DSCAML1: variants seen among roughly 807,000 people sequenced by gnomAD.
DSCAML1 encodes cell adhesion molecule DSCAML1.
In DSCAML1, 38 loss-of-function variants were observed where a neutral mutation model predicts 200.5. The ratio of observed to expected loss-of-function variants is 0.19; its 90% confidence interval spans 0.15 to 0.25. The LOEUF (loss-of-function observed/expected upper bound fraction) is 0.25, where lower values mean the gene tolerates loss of function less well. Ranked by LOEUF, DSCAML1 falls within the 10% of genes least tolerant of loss-of-function variation. The pLI, the probability that DSCAML1 is intolerant of heterozygous loss-of-function variation, is 1.00. For synonymous variants in DSCAML1, 1,215 were observed against 1,165.0 expected (o/e 1.04, Z -0.87); for missense variants, 2,223 against 2,858.8 (o/e 0.78, Z 5.07).
At chr11:117,433,859 G>A (rs1271687486) in intron 27 of DSCAML1, among the ~76,000 whole-genome samples, 2 of 152,242 alleles carry the variant, frequency 1.3e-5, no homozygotes, top group Non-Finnish European at 2.9e-5. Flanking sequence ...AGAGGAGAGA[G>A]TGGAGGATGT....
At chr11:117,643,292 A>T (rs2052448984) in intron 3 of DSCAML1, among the ~76,000 whole-genome samples, 1 of 152,124 alleles carries the variant, frequency 6.6e-6, no homozygotes, top group Non-Finnish European at 1.5e-5. Context: ...TGGGATGGAG[A>T]ACTGAAGAAA....
In DSCAML1 at chr11:117,428,070, T is replaced by C. The variant is rs1278136094; in HGVS notation, c.*258A>G. ...GTCTGTCTATATATGTATATATATCTCCACACATATTTTGTGGGGTGGGGG... is the reference window on the plus strand; with the variant it reads ...GTCTGTCTATATATGTATATATATCCCCACACATATTTTGTGGGGTGGGGG... On this transcript the variant is annotated 3_prime_UTR_variant, in exon 33 of 33. Coordinates refer to ENST00000651296, the MANE Select transcript of DSCAML1 (RefSeq NM_020693.4). 1 of 411,490 alleles carries C rather than the reference T, an allele frequency of 2.4e-6. No homozygotes were observed. Among genetic ancestry groups the C allele is most frequent in the African/African-American group, 2.2e-5 (1 of 46,508 alleles). The allele number at this position is 411,490 out of a possible 1,614,324, so 25.5% of individuals were successfully genotyped here. A position where few individuals can be genotyped will look rare whatever the true frequency, so the allele number is the denominator to read the frequency against.
At chr11:117,465,859 G>A (rs1160119651) in intron 16 of DSCAML1, among the ~76,000 whole-genome samples, 1 of 152,174 alleles carries the variant, frequency 6.6e-6, no homozygotes, top group Non-Finnish European at 1.5e-5. Flanking sequence ...GATGGAGAGG[G>A]AGGTGAGCAA....
chr11:117,617,680 GCACACA>G (rs36207373), intron 3 of DSCAML1, among the ~76,000 whole-genome samples: 3,961 of 142,856 alleles, frequency 0.028, 59 homozygotes, highest in South Asian at 0.067. Flanking sequence ...ACAGGTACAC[GCACACA>G]CACACACACA....
intron 4 of DSCAML1, among the ~76,000 whole-genome samples, chr11:117,527,152 A>T (rs2049991555): frequency 6.6e-6 from 1 of 152,222 alleles, no homozygotes; most frequent in Non-Finnish European, 1.5e-5. Flanking sequence ...ACAGAGCAAG[A>T]TCTTGTCTCA....
At chr11:117,574,048 C>G (rs2050892727) in intron 3 of DSCAML1, among the ~76,000 whole-genome samples, 1 of 152,188 alleles carries the variant, frequency 6.6e-6, no homozygotes, top group Non-Finnish European at 1.5e-5. Context: ...CTGGATCCCT[C>G]ATTCTAGGAG....
At chr11:117,590,144 G>C (rs771953875) in intron 3 of DSCAML1, among the ~76,000 whole-genome samples, 1 of 152,126 alleles carries the variant, frequency 6.6e-6, no homozygotes, top group Non-Finnish European at 1.5e-5. Flanking sequence ...GAACCCATGG[G>C]CTTGAGAGGC....
intron 3 of DSCAML1, among the ~76,000 whole-genome samples, chr11:117,775,933 C>A (rs1251419736): frequency 6.6e-6 from 1 of 152,100 alleles, no homozygotes; most frequent in African/African-American, 2.4e-5. Flanking sequence ...CAGAGATCAC[C>A]TGGTCAAGCT....
intron 3 of DSCAML1, among the ~76,000 whole-genome samples, chr11:117,758,204 G>A (rs775275588): frequency 2.6e-5 from 4 of 151,576 alleles, no homozygotes; most frequent in African/African-American, 4.8e-5. Flanking sequence ...GGGAGGCTGA[G>A]GCAAATAATT....
rs368720689 is a variant in DSCAML1, at chr11:117,437,070, C to T, written c.4720+52G>A. The T allele has an allele frequency of 3.8e-5, 59 of 1,562,762 alleles. No individual in the cohort carries two copies. Among genetic ancestry groups the T allele is most frequent in the South Asian group, 2.5e-4 (21 of 84,278 alleles). ...TATCTGCCACTCTGCCCACTTCCTT[C>T]GCACCACCCTGCTCCAGCCTCTGTA... On this transcript the variant is annotated intron_variant, in intron 26 of 32. Transcript: ENST00000651296. This position sits in a 1 kb window ranked among gnomAD's most constrained non-coding sequence, Gnocchi z 5.3.
intron 1 of DSCAML1, 30 bp downstream of exon 1, chr11:117,797,004 C>T: frequency 7.2e-7 from 1 of 1,393,940 alleles, no homozygotes; most frequent in Non-Finnish European, 9.4e-7. Context: ...CCCGCCGCCT[C>T]CGCCGCCCAG....
chr11:117,724,065 T>A (rs1046633397), intron 3 of DSCAML1, among the ~76,000 whole-genome samples: 2 of 152,226 alleles, frequency 1.3e-5, no homozygotes, highest in Admixed American at 1.3e-4. Context: ...ACTCTCTTCT[T>A]CTGGCTACAA....
chr11:117,737,231 T>G (rs1221794359), intron 3 of DSCAML1, among the ~76,000 whole-genome samples: 1 of 152,256 alleles, frequency 6.6e-6, no homozygotes, highest in African/African-American at 2.4e-5. Context: ...TAATTTTCAC[T>G]TCTTTCATCC....
chr11:117,767,913 G>T (rs906126098), intron 3 of DSCAML1, among the ~76,000 whole-genome samples: 9 of 152,240 alleles, frequency 5.9e-5, no homozygotes, highest in African/African-American at 1.4e-4. Context: ...GCAGGTGCCT[G>T]CCGCGGGACC....
chr11:117,684,505 T>C (rs1200901164), intron 3 of DSCAML1, among the ~76,000 whole-genome samples: 1 of 137,328 alleles, frequency 7.3e-6, no homozygotes, highest in Admixed American at 7.3e-5. Flanking sequence ...CGCTAGGATA[T>C]CAAAACCATT....
chr11:117,428,272 G>T lies in DSCAML1; in HGVS notation c.*56C>A. The T allele has an allele frequency of 1.0e-6, 1 of 982,446 alleles. No individual in the cohort carries two copies. Among genetic ancestry groups the T allele is most frequent in the Non-Finnish European group, 1.6e-6 (1 of 631,574 alleles). 60.9% of individuals were successfully genotyped at this position (982,446 alleles called of 1,614,324 possible). On this transcript the variant is annotated 3_prime_UTR_variant, in exon 33 of 33. Transcript: ENST00000651296. ...AATAATGCAGAAAAACAGCCGAGCT[G>T]GCGTGTGGGGCTGCGGCGCGGCGCG...
At chr11:117,728,020 T>C (rs1419602210) in intron 3 of DSCAML1, among the ~76,000 whole-genome samples, 1 of 152,186 alleles carries the variant, frequency 6.6e-6, no homozygotes, top group Admixed American at 6.5e-5. Context: ...AATCCTGACA[T>C]CAGAATGGTT....
At chr11:117,629,074 C>T (rs191524480) in intron 3 of DSCAML1, among the ~76,000 whole-genome samples, 2 of 152,198 alleles carry the variant, frequency 1.3e-5, no homozygotes, top group East Asian at 3.9e-4. Context: ...CCAAGTGGAA[C>T]ATGAACTTCC....
chr11:117,514,971 G>A (rs970611115), intron 8 of DSCAML1, among the ~76,000 whole-genome samples: 4 of 152,208 alleles, frequency 2.6e-5, no homozygotes, highest in African/African-American at 9.6e-5. Context: ...CTGTGGGGTC[G>A]AAGATGGCAC....
Sources: allele counts gnomAD v4.1 joint callset (sites outside exome capture counted in the v4.1 genomes callset), GRCh38; gene constraint gnomAD v4.1.1; non-coding constraint Gnocchi (gnomAD v3.1); transcripts MANE v1.5; gene names NCBI Gene and HGNC (gene_info 2026-07-23, HGNC 2026-07-21).